The following ARMH3 variants were observed in gnomAD, a reference collection of about 807,000 sequenced individuals.
The protein encoded by ARMH3 is armadillo like helical domain containing 3, also known as armadillo-like helical domain-containing protein 3.
A neutral mutation model predicts 99.1 loss-of-function variants in ARMH3; 60 were observed. That is an observed-to-expected ratio of 0.61 (90% CI 0.49 to 0.75). ARMH3 has a LOEUF of 0.75. Ranked by LOEUF, ARMH3 falls within the 30% of genes least tolerant of loss-of-function variation. ARMH3 has a pLI of 0.00. For missense variants in ARMH3, 679 were observed against 843.1 expected, an observed-to-expected ratio of 0.81 and a Z score of 2.41; for synonymous variants, 285 against 292.8, an observed-to-expected ratio of 0.97 and a Z score of 0.27.
chr10:101,907,683 C>T (rs1045216725), intron 23 of ARMH3, among the ~76,000 whole-genome samples: 1 of 152,134 alleles, frequency 6.6e-6, no homozygotes, highest in African/African-American at 2.4e-5. Flanking sequence ...CGTGCTGGGC[C>T]GGGATAATAG....
intron 23 of ARMH3, among the ~76,000 whole-genome samples, chr10:101,905,638 C>T (rs1483475726): frequency 6.6e-6 from 1 of 152,112 alleles, no homozygotes; most frequent in Admixed American, 6.5e-5. Context: ...CTAATTGGGA[C>T]AGATCTTAGG....
intron 24 of ARMH3, among the ~76,000 whole-genome samples, chr10:101,863,034 T>C (rs2066910617): frequency 6.6e-6 from 1 of 152,184 alleles, no homozygotes; most frequent in Non-Finnish European, 1.5e-5. Flanking sequence ...AGAAACCCTG[T>C]CTCTACTAAA....
intron 23 of ARMH3, among the ~76,000 whole-genome samples, chr10:101,937,203 G>A (rs1304579392): frequency 6.6e-6 from 1 of 152,186 alleles, no homozygotes; most frequent in African/African-American, 2.4e-5. Context: ...AGAAAGAGCA[G>A]CCCTGAACTT....
At chr10:101,873,169 C>T (rs955486903) in intron 24 of ARMH3, among the ~76,000 whole-genome samples, 21 of 149,152 alleles carry the variant, frequency 1.4e-4, no homozygotes, top group African/African-American at 3.0e-4. Flanking sequence ...TTTGGGAGGC[C>T]GAGGTGGGCG....
chr10:101,956,055 T>C (rs749975031), intron 22 of ARMH3, among the ~76,000 whole-genome samples: 1 of 152,180 alleles, frequency 6.6e-6, no homozygotes, highest in Non-Finnish European at 1.5e-5. Context: ...TCCAAACTTA[T>C]AGGGACACAT....
intron 8 of ARMH3, among the ~76,000 whole-genome samples, chr10:102,020,397 C>T (rs185578573): frequency 9.0e-4 from 137 of 151,930 alleles, no homozygotes; most frequent in Non-Finnish European, 1.4e-3. Context: ...CCGAGCACGG[C>T]CGGGCGCGGT....
At chr10:102,050,372 C>T (rs1359161676) in intron 1 of ARMH3, among the ~76,000 whole-genome samples, 3 of 151,936 alleles carry the variant, frequency 2.0e-5, no homozygotes, top group African/African-American at 7.3e-5. Flanking sequence ...TGGCTGAACC[C>T]GAGAGGTGGA....
chr10:101,954,177 G>A (rs1844925314), intron 22 of ARMH3, among the ~76,000 whole-genome samples: 1 of 152,126 alleles, frequency 6.6e-6, no homozygotes, highest in African/African-American at 2.4e-5. Context: ...GGGTGAAAGA[G>A]AAAGACCCTG....
intron 24 of ARMH3, among the ~76,000 whole-genome samples, chr10:101,875,181 G>T (rs1485792813): frequency 6.6e-6 from 1 of 152,076 alleles, no homozygotes; most frequent in African/African-American, 2.4e-5. Context: ...TTCCTTTGGA[G>T]GCAAGAATTG....
In ARMH3 at chr10:101,889,411, C is replaced by T. The variant is rs1204910509; in HGVS notation, c.1860+1G>A. On this transcript the variant is annotated splice_donor_variant, in intron 24 of 25. Transcript: ENST00000370033. LOFTEE classifies it high-confidence loss of function. ...GTCATCTGGGGAAAGTAGTGGCTTA[C>T]CTGCTCCTCTGACAGTTGGGATATG... The T allele has an allele frequency of 1.2e-6, 2 of 1,612,566 alleles. No individual in the cohort carries two copies. Among genetic ancestry groups the T allele is most frequent in the Non-Finnish European group, 1.7e-6 (2 of 1,178,526 alleles).
chr10:101,938,069 A>C (rs1033865773), intron 23 of ARMH3, among the ~76,000 whole-genome samples: 1 of 151,920 alleles, frequency 6.6e-6, no homozygotes, highest in African/African-American at 2.4e-5. Flanking sequence ...GGGTCTCACT[A>C]TGTTGGCCAG....
At chr10:102,016,126 C>T (rs558879910) in intron 8 of ARMH3, among the ~76,000 whole-genome samples, 1 of 152,150 alleles carries the variant, frequency 6.6e-6, no homozygotes, top group Non-Finnish European at 1.5e-5. Flanking sequence ...CAGAGTGAGA[C>T]CCTGTCTCGA....
intron 2 of ARMH3, among the ~76,000 whole-genome samples, chr10:102,036,523 GT>G (rs2067277337): frequency 6.6e-6 from 1 of 152,182 alleles, no homozygotes; most frequent in Admixed American, 6.5e-5. Context: ...ATTTTGTTCT[GT>G]ACTGGGAGGG....
intron 25 of ARMH3, among the ~76,000 whole-genome samples, chr10:101,849,407 C>T (rs1376140880): frequency 6.6e-6 from 1 of 152,142 alleles, no homozygotes; most frequent in Non-Finnish European, 1.5e-5. Flanking sequence ...CTCAGACCAG[C>T]GGCCAGTTAG....
chr10:102,037,753 C>A (rs577714900), intron 2 of ARMH3, among the ~76,000 whole-genome samples: 8 of 151,938 alleles, frequency 5.3e-5, no homozygotes, highest in African/African-American at 1.7e-4. Context: ...ACCACTACAC[C>A]CACTTAATTT....
At chr10:102,008,589 G>C (rs1249755437) in intron 13 of ARMH3, among the ~76,000 whole-genome samples, 12 of 151,678 alleles carry the variant, frequency 7.9e-5, no homozygotes, top group Admixed American at 6.6e-4. Context: ...GTCTCACTCT[G>C]TCACCCAGGC....
At chr10:101,932,958 A>G (rs1316636866) in intron 23 of ARMH3, among the ~76,000 whole-genome samples, 1 of 152,220 alleles carries the variant, frequency 6.6e-6, no homozygotes, top group Admixed American at 6.5e-5. Context: ...AGACTGAGGC[A>G]GGCGGATTAC....
At chr10:101,885,652 T>A (rs1013473178) in intron 24 of ARMH3, among the ~76,000 whole-genome samples, 10 of 152,080 alleles carry the variant, frequency 6.6e-5, no homozygotes, top group African/African-American at 1.9e-4. Flanking sequence ...GTTTAATGGA[T>A]ATAGAGTTTC....
intron 24 of ARMH3, among the ~76,000 whole-genome samples, chr10:101,877,466 C>A (rs919397393): frequency 6.6e-6 from 1 of 152,080 alleles, no homozygotes; most frequent in Admixed American, 6.5e-5. Flanking sequence ...TTGAGACCAG[C>A]CTGACCAACA....
Sources: allele counts gnomAD v4.1 joint callset (sites outside exome capture counted in the v4.1 genomes callset), GRCh38; gene constraint gnomAD v4.1.1; transcripts MANE v1.5; gene names NCBI Gene and HGNC (gene_info 2026-07-23, HGNC 2026-07-21).